SYT1: variants seen among roughly 807,000 people sequenced by gnomAD.
SYT1 encodes the protein synaptotagmin 1.
In SYT1, 8 loss-of-function variants were observed where a neutral mutation model predicts 44.8. That is an observed-to-expected ratio of 0.18 (90% CI 0.10 to 0.32). The LOEUF (loss-of-function observed/expected upper bound fraction) is 0.32, where lower values mean the gene tolerates loss of function less well. Ranked by LOEUF, SYT1 falls within the 10% of genes least tolerant of loss-of-function variation. SYT1 has a pLI of 1.00. For missense variants in SYT1, 286 were observed against 509.3 expected (o/e 0.56, Z 4.22); for synonymous variants, 154 against 188.8 (o/e 0.82, Z 1.51).
At chr12:78,988,891 G>C (rs567427797) in intron 2 of SYT1, among the ~76,000 whole-genome samples, 1 of 152,242 alleles carries the variant, frequency 6.6e-6, no homozygotes, top group South Asian at 2.1e-4. Context: ...TAGAACAATA[G>C]AAGTTATTGC....
intron 5 of SYT1, 105 bp downstream of exon 5, chr12:79,286,076 A>T: frequency 7.8e-7 from 1 of 1,285,284 alleles, no homozygotes; most frequent in Non-Finnish European, 1.0e-6. Flanking sequence ...CTGGACCCAT[A>T]TCGTTTTTGA....
intron 3 of SYT1, among the ~76,000 whole-genome samples, chr12:79,170,711 CTATTTGTCAATTTTTA>C (rs2138348113): frequency 6.6e-6 from 1 of 152,082 alleles, no homozygotes; most frequent in African/African-American, 2.4e-5. Flanking sequence ...TAATTAGGTC[CTATTTGTCAATTTTTA>C]CATTTGTTGC....
chr12:79,448,977 C>A lies in SYT1; in HGVS notation c.1122C>A (p.Ile374=). 1.9e-6 allele frequency: 3 copies of A among 1,614,232 alleles called. No individual in the cohort carries two copies. The highest frequency in any genetic ancestry group is 2.5e-6 in the Non-Finnish European group (3 of 1,180,028). ...ACAAGATTGGCAAGAACGATGCCAT[C>A]GGCAAAGTCTTTGTGGGCTACAACA... is the stretch of plus-strand genomic sequence containing the variant. ...DYDKIGKNDA[I]GKVFVGYNST... is the part of the protein sequence containing the mutation. Residue 374 remains isoleucine (I), a synonymous_variant, in exon 11 of 11, where the codon ATC becomes ATA. Coordinates refer to ENST00000261205, the MANE Select transcript of SYT1 (RefSeq NM_005639.3).
At chr12:79,179,215 GATATATAGATATAGATATAGAT>G (rs1565841560) in intron 3 of SYT1, among the ~76,000 whole-genome samples, 2 of 49,288 alleles carry the variant, frequency 4.1e-5, no homozygotes, top group Non-Finnish European at 6.2e-5. Context: ...TATAGATATA[GATATATAGATATAGATATAGAT>G]ATATAGATAT....
At chr12:79,090,156 C>T (rs886641726) in intron 3 of SYT1, among the ~76,000 whole-genome samples, 1 of 151,948 alleles carries the variant, frequency 6.6e-6, no homozygotes, top group Admixed American at 6.6e-5. Flanking sequence ...GAAGATAGAA[C>T]AAATGATCTT....
At chr12:79,312,208 AC>A (rs139088953) in intron 8 of SYT1, among the ~76,000 whole-genome samples, 1,607 of 151,934 alleles carry the variant, frequency 0.011, 31 homozygotes, top group African/African-American at 0.037. Flanking sequence ...GGAAATTAAA[AC>A]CCCTTATTAT....
At chr12:79,344,771 AG>A (rs1204215274) in intron 8 of SYT1, among the ~76,000 whole-genome samples, 2 of 152,174 alleles carry the variant, frequency 1.3e-5, no homozygotes, top group African/African-American at 4.8e-5. Context: ...GTCACTTTTA[AG>A]AAGCATTTTG....
At chr12:79,419,219 G>T in intron 9 of SYT1, 1 of 514,300 alleles carries the variant, frequency 1.9e-6, no homozygotes, top group Non-Finnish European at 4.0e-6. Flanking sequence ...TCACACAGTT[G>T]TTGAGAAATT....
intron 9 of SYT1, among the ~76,000 whole-genome samples, chr12:79,400,192 T>G (rs1885021374): frequency 6.6e-6 from 1 of 152,220 alleles, no homozygotes; most frequent in African/African-American, 2.4e-5. Context: ...TTATCCTTTA[T>G]GTTTATGGAC....
intron 3 of SYT1, among the ~76,000 whole-genome samples, chr12:79,064,340 T>C (rs1375762054): frequency 6.6e-6 from 1 of 152,190 alleles, no homozygotes; most frequent in African/African-American, 2.4e-5. Flanking sequence ...GTATTTCACA[T>C]AATATCTATT....
rs990690231 is a variant in SYT1 at position 79,018,985 on chromosome 12, T to C, written c.-83-28312T>C. Among the ~76,000 whole-genome samples the C allele has an allele frequency of 2.0e-5, 3 of 152,116 alleles. No homozygotes were observed. The East Asian group carries it at 5.8e-4, about 29-fold the overall frequency. The stretch of plus-strand genomic sequence containing the variant: ...TTTTGTATTCTGCTCAGCACATACG[T>C]AATTTGTAAATGATAGCTATTCGTC... On this transcript the variant is annotated intron_variant, in intron 2 of 10. Transcript: ENST00000261205.
At chr12:79,342,254 CAG>C (rs1249635948) in intron 8 of SYT1, among the ~76,000 whole-genome samples, 1 of 152,068 alleles carries the variant, frequency 6.6e-6, no homozygotes, top group Non-Finnish European at 1.5e-5. Context: ...TTTTTAGAGA[CAG>C]GGTCTTGCTC....
At chr12:79,250,975 T>G (rs1275250513) in intron 4 of SYT1, among the ~76,000 whole-genome samples, 9 of 152,146 alleles carry the variant, frequency 5.9e-5, no homozygotes, top group Non-Finnish European at 1.5e-5. Flanking sequence ...TAAAGTGACT[T>G]TTCACTTTAT....
intron 4 of SYT1, among the ~76,000 whole-genome samples, chr12:79,228,643 T>C (rs1299371395): frequency 2.0e-5 from 3 of 152,298 alleles, no homozygotes; most frequent in East Asian, 1.9e-4. Flanking sequence ...TTATTCTACA[T>C]GCTCTTTTTG....
rs148032262 is a variant in SYT1 at position 79,296,031 on chromosome 12, T to C, written c.475-38T>C. 2.2e-4 allele frequency: 344 copies of C among 1,565,044 alleles called. No individual in the cohort carries two copies. In the African/African-American group the frequency reaches 4.2e-3, roughly 19 times the overall value. ...AATCGATCTTTTCCAAAATGTCCAC[T>C]GATATTTATGTATGCTGTATTCTGT... On this transcript the variant is annotated intron_variant, in intron 6 of 10. Transcript: ENST00000261205.
At chr12:79,272,817 C>A (rs1299499805) in intron 4 of SYT1, among the ~76,000 whole-genome samples, 1 of 152,070 alleles carries the variant, frequency 6.6e-6, no homozygotes, top group African/African-American at 2.4e-5. Context: ...GCAGAACATG[C>A]TGGTAGGGAA....
chr12:79,420,913 A>T (rs1467644389), intron 9 of SYT1, among the ~76,000 whole-genome samples: 2 of 152,120 alleles, frequency 1.3e-5, no homozygotes, highest in Admixed American at 6.6e-5. Context: ...GCTTCAGAAC[A>T]TCTCCTAGAA....
At chr12:78,887,741 A>T (rs182342805) in intron 1 of SYT1, among the ~76,000 whole-genome samples, 1 of 152,078 alleles carries the variant, frequency 6.6e-6, no homozygotes, top group Non-Finnish European at 1.5e-5. Context: ...TATATATCAT[A>T]AAGTTACTAT....
At chr12:79,176,962 A>T (rs1490812101) in intron 3 of SYT1, among the ~76,000 whole-genome samples, 2 of 151,958 alleles carry the variant, frequency 1.3e-5, no homozygotes, top group East Asian at 3.9e-4. Flanking sequence ...AATATTATCC[A>T]ATATAATCTC....
Sources: allele counts gnomAD v4.1 joint callset (sites outside exome capture counted in the v4.1 genomes callset), GRCh38; gene constraint gnomAD v4.1.1; transcripts MANE v1.5; gene names NCBI Gene and HGNC (gene_info 2026-07-23, HGNC 2026-07-21).